Variants in EPB41L3 observed in about 807,000 individuals in gnomAD.
The protein encoded by EPB41L3 is band 4.1-like protein 3.
Under a neutral mutation model 127.1 loss-of-function variants are expected in EPB41L3, and 57 were observed. The observed-to-expected ratio is 0.45, with a 90% CI of 0.36 to 0.56. EPB41L3 has a LOEUF of 0.56. EPB41L3 is among the 20% of genes least tolerant of loss of function. The pLI is 0.00. For synonymous variants in EPB41L3, 572 were observed against 549.5 expected (o/e 1.04, Z -0.57); for missense variants, 1,273 against 1,372.2 (o/e 0.93, Z 1.14).
At chr18:5,559,076 G>C (rs2094083867) in intron 3 of EPB41L3, among the ~76,000 whole-genome samples, 1 of 151,590 alleles carries the variant, frequency 6.6e-6, no homozygotes. Context: ...TTTGGCATGT[G>C]CTCCTTATAA....
chr18:5,410,835 T>C (rs1015112693), intron 13 of EPB41L3, among the ~76,000 whole-genome samples: 8 of 152,168 alleles, frequency 5.3e-5, no homozygotes, highest in African/African-American at 1.9e-4. Context: ...TAGGAATACC[T>C]GAGGCACACT....
intron 3 of EPB41L3, among the ~76,000 whole-genome samples, chr18:5,592,864 G>A (rs1429298118): frequency 6.6e-6 from 1 of 152,204 alleles, no homozygotes; most frequent in Non-Finnish European, 1.5e-5. Flanking sequence ...TTGCTTTATT[G>A]TCGTAGTCTC....
chr18:5,514,054 G>A (rs2092654960), intron 1 of EPB41L3, among the ~76,000 whole-genome samples: 1 of 152,158 alleles, frequency 6.6e-6, no homozygotes, highest in Non-Finnish European at 1.5e-5. Context: ...TACAAAAGTG[G>A]AAGAAAATGA....
At chr18:5,580,676 A>T (rs1411119062) in intron 3 of EPB41L3, among the ~76,000 whole-genome samples, 1 of 152,174 alleles carries the variant, frequency 6.6e-6, no homozygotes, top group Non-Finnish European at 1.5e-5. Flanking sequence ...ATATGCATAA[A>T]TGCCCACACT....
intron 5 of EPB41L3, among the ~76,000 whole-genome samples, chr18:5,440,639 G>A (rs1213963460): frequency 6.6e-6 from 1 of 152,164 alleles, no homozygotes; most frequent in African/African-American, 2.4e-5. Context: ...TTATAACACT[G>A]ATGATAGTTC....
intron 3 of EPB41L3, among the ~76,000 whole-genome samples, chr18:5,561,102 C>A (rs1029159849): frequency 2.0e-5 from 3 of 148,496 alleles, no homozygotes; most frequent in Non-Finnish European, 3.0e-5. Flanking sequence ...CTCAGCCTCC[C>A]GAGTAGCTGG....
intron 2 of EPB41L3, among the ~76,000 whole-genome samples, chr18:5,483,142 T>G (rs1396669023): frequency 6.6e-6 from 1 of 152,072 alleles, no homozygotes; most frequent in South Asian, 2.1e-4. Context: ...TAAGTCAAAA[T>G]GTAATGGGGA....
chr18:5,443,093 T>C (rs1475340006), intron 5 of EPB41L3, among the ~76,000 whole-genome samples: 1 of 152,166 alleles, frequency 6.6e-6, no homozygotes, highest in Non-Finnish European at 1.5e-5. Context: ...AAATGCACAT[T>C]TTCCTCATTA....
At chr18:5,630,081 C>T (rs1388708402), upstream of EPB41L3, among the ~76,000 whole-genome samples, 3 of 152,198 alleles carry the variant, frequency 2.0e-5, no homozygotes, top group East Asian at 5.8e-4. Context: ...CGCGGCAGCT[C>T]CAACACAGCG....
At chr18:5,501,636 T>C (rs962833961) in intron 1 of EPB41L3, among the ~76,000 whole-genome samples, 1 of 152,198 alleles carries the variant, frequency 6.6e-6, no homozygotes, top group African/African-American at 2.4e-5. Flanking sequence ...GTGTTCACAA[T>C]AGAATTTATC....
Position 5,419,702 on chromosome 18 carries a change from G to C in EPB41L3, c.1506+9C>G, listed in dbSNP as rs1431282878. On this transcript the variant is annotated intron_variant, in intron 12 of 22. Coordinates refer to ENST00000341928, the MANE Select transcript of EPB41L3 (RefSeq NM_012307.5). ...GAGCAAGCTCTTGCAGGCAGTCTGGGAGCTATACCTTTCCCTCGTGCCGGA... is the reference window on the plus strand; with the variant it reads ...GAGCAAGCTCTTGCAGGCAGTCTGGCAGCTATACCTTTCCCTCGTGCCGGA... 1.2e-6 allele frequency: 2 copies of C among 1,613,644 alleles called. No individual in the cohort carries two copies. Among genetic ancestry groups the C allele is most frequent in the Non-Finnish European group, 1.7e-6 (2 of 1,179,974 alleles).
chr18:5,494,914 T>G (rs1006086028), intron 1 of EPB41L3, among the ~76,000 whole-genome samples: 2 of 152,170 alleles, frequency 1.3e-5, no homozygotes, highest in Non-Finnish European at 2.9e-5. Flanking sequence ...AGACATCATC[T>G]TGTTACTCAG....
chr18:5,600,575 G>A (rs2094579854), intron 3 of EPB41L3, among the ~76,000 whole-genome samples: 1 of 151,982 alleles, frequency 6.6e-6, no homozygotes, highest in South Asian at 2.1e-4. Flanking sequence ...CTTACACTAG[G>A]TGGAGCCCCT....
At chr18:5,474,447 C>G (rs1351388455) in intron 3 of EPB41L3, among the ~76,000 whole-genome samples, 2 of 152,080 alleles carry the variant, frequency 1.3e-5, no homozygotes, top group Non-Finnish European at 2.9e-5. Context: ...GTCTCTCCCA[C>G]TGTAGCCTTG....
chr18:5,540,348 G>T, intron 1 of EPB41L3: 1 of 985,268 alleles, frequency 1.0e-6, no homozygotes, highest in Non-Finnish European at 1.2e-6. Flanking sequence ...ACCTCGCAAT[G>T]CAGTTCAACT....
At chr18:5,483,757 C>A (rs899614757) in intron 2 of EPB41L3, among the ~76,000 whole-genome samples, 2 of 151,928 alleles carry the variant, frequency 1.3e-5, no homozygotes, top group Admixed American at 6.6e-5. Context: ...GGGGACAATT[C>A]AGCAAGAAGA....
At chr18:5,592,685 C>T (rs374817421) in intron 3 of EPB41L3, among the ~76,000 whole-genome samples, 11 of 152,256 alleles carry the variant, frequency 7.2e-5, no homozygotes, top group Admixed American at 2.0e-4. Flanking sequence ...TTGGGACATC[C>T]GGTGGTGAGA....
intron 1 of EPB41L3, among the ~76,000 whole-genome samples, chr18:5,541,255 A>AAAAAAAAAAAT (rs2093722095): frequency 6.9e-6 from 1 of 145,002 alleles, no homozygotes; most frequent in African/African-American, 2.6e-5. Context: ...TCCATCTCAA[A>AAAAAAAAAAAT]AAAAAAAAAA....
At chr18:5,606,754 C>T (rs2094657810) in intron 3 of EPB41L3, among the ~76,000 whole-genome samples, 1 of 152,122 alleles carries the variant, frequency 6.6e-6, no homozygotes, top group East Asian at 1.9e-4. Context: ...AATCATAACT[C>T]ACAAGTACTA....
Sources: allele counts gnomAD v4.1 joint callset (sites outside exome capture counted in the v4.1 genomes callset), GRCh38; gene constraint gnomAD v4.1.1; transcripts MANE v1.5; gene names NCBI Gene and HGNC (gene_info 2026-07-23, HGNC 2026-07-21).